Variants in ELF2 observed in about 807,000 individuals in gnomAD.
ELF2 encodes the protein E74 like ETS transcription factor 2.
ELF2 carries 11 observed loss-of-function variants against 54.8 expected under a neutral mutation model. The ratio of observed to expected loss-of-function variants is 0.20; its 90% confidence interval spans 0.13 to 0.33. The LOEUF is 0.33. Among genes scored for constraint, ELF2 ranks in the 10% least tolerant of loss-of-function variants. The pLI is 1.00. For missense variants in ELF2, 513 were observed against 703.0 expected, an observed-to-expected ratio of 0.73 and a Z score of 3.06; for synonymous variants, 203 against 245.1, an observed-to-expected ratio of 0.83 and a Z score of 1.61.
At chr4:139,082,816 C>G (rs1731307080) in intron 4 of ELF2, among the ~76,000 whole-genome samples, 1 of 152,214 alleles carries the variant, frequency 6.6e-6, no homozygotes, top group Non-Finnish European at 1.5e-5. Flanking sequence ...CTTACTATTA[C>G]AGTAAGTAAA....
At chr4:139,076,763 C>T (rs1481916126) in intron 4 of ELF2, among the ~76,000 whole-genome samples, 3 of 152,056 alleles carry the variant, frequency 2.0e-5, no homozygotes, top group Admixed American at 2.0e-4. Context: ...GGCACATTTT[C>T]AAAACCATGA....
chr4:139,075,934 A>G (rs974435719), intron 4 of ELF2, among the ~76,000 whole-genome samples: 10 of 152,218 alleles, frequency 6.6e-5, no homozygotes, highest in Non-Finnish European at 1.3e-4. Flanking sequence ...TGTCCCCTAA[A>G]GGAACTAAAA....
At position 139,152,835 on chromosome 4, in the gene ELF2, T is replaced by C. The variant is rs986191825; in HGVS notation, c.-251-13338A>G. On this transcript the variant is annotated intron_variant, in intron 1 of 9. Transcript: ENST00000686138. ...TCAAGTCCAACAGGAATTTTATATATATATATATAGTTGTAATATTAATAT... is the reference window on the plus strand; with the variant it reads ...TCAAGTCCAACAGGAATTTTATATACATATATATAGTTGTAATATTAATAT... Among the ~76,000 whole-genome samples the C allele has an allele frequency of 2.0e-5, 3 of 150,234 alleles. No individual in the cohort carries two copies. In the South Asian group the frequency reaches 6.3e-4, roughly 31 times the overall value.
At chr4:139,083,215 G>A (rs960889226) in intron 4 of ELF2, among the ~76,000 whole-genome samples, 2 of 152,086 alleles carry the variant, frequency 1.3e-5, no homozygotes, top group African/African-American at 4.8e-5. Context: ...GCAATTCCGT[G>A]CTGAGACTTC....
intron 1 of ELF2, among the ~76,000 whole-genome samples, chr4:139,154,826 C>T (rs1009719781): frequency 2.6e-5 from 4 of 152,150 alleles, no homozygotes; most frequent in Admixed American, 2.6e-4. Flanking sequence ...GCTTAAGTGG[C>T]TATTCCTCTA....
rs541543066 is a variant in ELF2 at position 139,095,849 on chromosome 4, A to G, written c.239-22282T>C. On this transcript the variant is annotated intron_variant, in intron 4 of 9. Coordinates refer to ENST00000686138, the MANE Select transcript of ELF2 (RefSeq NM_001331036.3). ...CACTTGAGGTCAGGAGTTCAAGATC[A>G]GCCTGGCCAACATGGTGAAACCCCA... 2.0e-5 allele frequency among the ~76,000 whole-genome samples: 3 copies of G among 152,308 alleles called. No individual in the cohort carries two copies. In the South Asian group the frequency reaches 6.2e-4, roughly 32 times the overall value.
At chr4:139,161,652 T>TAA (rs57452146) in intron 1 of ELF2, among the ~76,000 whole-genome samples, 1,667 of 69,990 alleles carry the variant, frequency 0.024, 113 homozygotes, top group African/African-American at 0.068. Context: ...TAAAACTGTT[T>TAA]AAAAAAAAAA....
At chr4:139,119,191 G>C (rs954706075) in intron 4 of ELF2, among the ~76,000 whole-genome samples, 1 of 152,116 alleles carries the variant, frequency 6.6e-6, no homozygotes, top group Non-Finnish European at 1.5e-5. Context: ...TAGAATTTAC[G>C]TATCTCCTTC....
intron 4 of ELF2, among the ~76,000 whole-genome samples, chr4:139,092,414 T>TAACAAACATA (rs70940488): frequency 0.12 from 10,221 of 87,446 alleles, 1,310 homozygotes; most frequent in East Asian, 0.2. Context: ...TAACATAACA[T>TAACAAACATA]ACATAACATA....
At chr4:139,115,279 G>C (rs1390896957) in intron 4 of ELF2, 5 of 1,600,754 alleles carry the variant, frequency 3.1e-6, no homozygotes, top group Middle Eastern at 2.2e-4. Flanking sequence ...CCCGGGGGGG[G>C]CTCTGAAAGT....
chr4:139,118,451 A>G (rs773621257), intron 4 of ELF2, among the ~76,000 whole-genome samples: 2 of 152,226 alleles, frequency 1.3e-5, no homozygotes, highest in Non-Finnish European at 2.9e-5. Context: ...AGTACAATCC[A>G]TGCAAAGGTC....
intron 4 of ELF2, among the ~76,000 whole-genome samples, chr4:139,116,159 A>AT (rs1216774976): frequency 3.3e-5 from 5 of 152,350 alleles, no homozygotes; most frequent in African/African-American, 1.2e-4. Flanking sequence ...CTTTTATCTA[A>AT]TAATACTGTC....
chr4:139,141,837 T>C (rs1738736282), intron 1 of ELF2, among the ~76,000 whole-genome samples: 1 of 152,208 alleles, frequency 6.6e-6, no homozygotes, highest in Admixed American at 6.5e-5. Context: ...CTATGAAATC[T>C]ACTCCTACAG....
At chr4:139,148,146 C>T (rs1331576408) in intron 1 of ELF2, among the ~76,000 whole-genome samples, 1 of 150,066 alleles carries the variant, frequency 6.7e-6, no homozygotes, top group Non-Finnish European at 1.5e-5. Context: ...AGAGAGCTGT[C>T]TGTTCTGGCC....
intron 1 of ELF2, among the ~76,000 whole-genome samples, chr4:139,152,545 G>A (rs912496646): frequency 7.9e-5 from 12 of 152,078 alleles, no homozygotes; most frequent in African/African-American, 2.9e-4. Context: ...TGCCCAGGTT[G>A]GTCTTGAACT....
In ELF2 at chr4:139,159,198, G is replaced by C. The variant is rs143887290; in HGVS notation, c.-252+17769C>G. Among the ~76,000 whole-genome samples, 50 of 152,246 alleles carry C rather than the reference G, an allele frequency of 3.3e-4. No individual in the cohort carries two copies. In the East Asian group the frequency reaches 9.5e-3, roughly 29 times the overall value. On this transcript the variant is annotated intron_variant, in intron 1 of 9. Transcript: ENST00000686138. ...CAGTCCTGGGCAGGGGCAAACCCCC[G>C]AGCTTGATGTGTAGGGAAGGGAAGG...
intron 4 of ELF2, among the ~76,000 whole-genome samples, chr4:139,093,178 G>A (rs1732867067): frequency 6.6e-6 from 1 of 151,882 alleles, no homozygotes; most frequent in African/African-American, 2.4e-5. Flanking sequence ...TGTTAGCCAG[G>A]ATGGTTTCGA....
At chr4:139,084,332 CG>C in intron 4 of ELF2, 3 of 1,541,890 alleles carry the variant, frequency 1.9e-6, no homozygotes, top group Non-Finnish European at 2.6e-6. Flanking sequence ...CTCCGACGCC[CG>C]GATCCTTGCG....
intron 1 of ELF2, among the ~76,000 whole-genome samples, chr4:139,169,719 T>C (rs1470216710): frequency 1.3e-5 from 2 of 151,984 alleles, no homozygotes; most frequent in African/African-American, 4.8e-5. Context: ...TAGCTGGGCA[T>C]GGTGGCGGGC....
Sources: allele counts gnomAD v4.1 joint callset (sites outside exome capture counted in the v4.1 genomes callset), GRCh38; gene constraint gnomAD v4.1.1; transcripts MANE v1.5; gene names NCBI Gene and HGNC (gene_info 2026-07-23, HGNC 2026-07-21).